Variants in PLXND1 observed in about 807,000 individuals in gnomAD.
The protein encoded by PLXND1 is plexin-D1.
PLXND1 carries 54 observed loss-of-function variants against 197.7 expected under a neutral mutation model. That is an observed-to-expected ratio of 0.27 (90% confidence interval 0.22 to 0.34). The LOEUF is 0.34. Among genes scored for constraint, PLXND1 ranks in the 10% least tolerant of loss-of-function variants. The pLI, the probability that PLXND1 is intolerant of heterozygous loss-of-function variation, is 1.00. For missense variants in PLXND1, 2,127 were observed against 2,699.2 expected (o/e 0.79, Z 4.70); for synonymous variants, 1,180 against 1,161.2 (o/e 1.02, Z -0.33).
In PLXND1 at chr3:129,559,934, C is replaced by T. The variant is rs575704348; in HGVS notation, c.5134-151G>A. Reference sequence around the variant, plus strand: ...CTGGTCACCGAGCCTCTCTGGCTCACTTGCCTCCCAGAGGCGTTGAAAGGA... The same window carrying T: ...CTGGTCACCGAGCCTCTCTGGCTCATTTGCCTCCCAGAGGCGTTGAAAGGA... On this transcript the variant is annotated intron_variant, in intron 31 of 35. Transcript: ENST00000324093. 1.0e-5 allele frequency: 7 copies of T among 686,412 alleles called. No individual in the cohort carries two copies. In the East Asian group the frequency reaches 1.9e-4, roughly 19 times the overall value. The allele number at this position is 686,412 out of a possible 1,614,324, so 42.5% of individuals were successfully genotyped here.
chr3:129,589,307 G>GCCGGGCCCCCCCCC (rs1560077979), intron 2 of PLXND1, 44 bp downstream of exon 2: 45 of 684,672 alleles, frequency 6.6e-5, no homozygotes, highest in Middle Eastern at 4.3e-4. Flanking sequence ...TCCCAGGGGA[G>GCCGGGCCCCCCCCC]CCTCCCACCC....
At chr3:129,598,717 C>T (rs531366440) in intron 1 of PLXND1, among the ~76,000 whole-genome samples, 69 of 152,246 alleles carry the variant, frequency 4.5e-4, no homozygotes, top group Non-Finnish European at 8.4e-4. Context: ...TCACCCCTTC[C>T]GACACCCTCT....
rs369957324 is a variant in PLXND1 at position 129,562,970 on chromosome 3, G to T, written c.4669-27C>A. The T allele has an allele frequency of 2.6e-5, 41 of 1,602,528 alleles. No individual in the cohort carries two copies. The African/African-American group carries it at 3.9e-4, about 15-fold the overall frequency. ...TGCAGGGGGAGAGTGGGAGAGAAAG[G>T]TCAGTGAGTTGCTGCCATCACTATG... On this transcript the variant is annotated intron_variant, in intron 26 of 35. Coordinates refer to ENST00000324093, the MANE Select transcript of PLXND1 (RefSeq NM_015103.3).
At chr3:129,589,084 A>C (rs1021835796) in intron 2 of PLXND1, among the ~76,000 whole-genome samples, 4 of 152,230 alleles carry the variant, frequency 2.6e-5, no homozygotes, top group Non-Finnish European at 5.9e-5. Context: ...ATACAGTTTC[A>C]AAGCCCCAGT....
intron 2 of PLXND1, among the ~76,000 whole-genome samples, chr3:129,587,447 GTCC>G (rs1376334385): frequency 1.3e-5 from 2 of 152,182 alleles, no homozygotes; most frequent in Admixed American, 6.5e-5. Context: ...CCCTCTGCGT[GTCC>G]TCCTGAGGAT....
At chr3:129,575,389 C>G (rs1436586730) in intron 11 of PLXND1, 80 bp downstream of exon 11, 1 of 859,242 alleles carries the variant, frequency 1.2e-6, no homozygotes, top group African/African-American at 1.7e-5. Context: ...GGGGCAACCA[C>G]TGGAATGAGT....
chr3:129,583,938 G>A (rs1056244128), intron 7 of PLXND1, among the ~76,000 whole-genome samples, 187 bp downstream of exon 7: 5 of 152,216 alleles, frequency 3.3e-5, no homozygotes, highest in African/African-American at 1.2e-4. Context: ...GTCCACAGAG[G>A]CCAGGCATCA....
chr3:129,569,616 C>T (rs138749505), intron 20 of PLXND1: 281 of 518,322 alleles, frequency 5.4e-4, no homozygotes, highest in Middle Eastern at 1.0e-3. Context: ...GGGACCTGGG[C>T]GTGGGCCTAG....
intron 9 of PLXND1, 21 bp downstream of exon 9, chr3:129,578,308 G>T: frequency 6.6e-7 from 1 of 1,506,782 alleles, no homozygotes; most frequent in Non-Finnish European, 9.1e-7. Context: ...CCCACCCGGC[G>T]CTGGCCTGGC....
chr3:129,566,507 G>T lies in PLXND1; in HGVS notation c.4191+20C>A. On this transcript the variant is annotated intron_variant, in intron 23 of 35. Coordinates refer to ENST00000324093, the MANE Select transcript of PLXND1 (RefSeq NM_015103.3). ...GTTGCCCTGAAGCAGCCCACTGTGT[G>T]TGGGTCGTGGGGTACTCACCTTCCA... 6.8e-7 allele frequency: 1 copy of T among 1,474,636 alleles called. No individual in the cohort carries two copies. The allele number at this position is 1,474,636 out of a possible 1,614,324, so 91.3% of individuals were successfully genotyped here.
chr3:129,596,025 T>G (rs2085617116), intron 1 of PLXND1, among the ~76,000 whole-genome samples: 1 of 152,042 alleles, frequency 6.6e-6, no homozygotes, highest in South Asian at 2.1e-4. Context: ...TACCTCACTA[T>G]GGGAGGCACC....
Position 129,602,997 on chromosome 3 carries a change from A to T in PLXND1, c.1311+2332T>A, listed in dbSNP as rs183999153. Among the ~76,000 whole-genome samples the T allele has an allele frequency of 1.5e-4, 23 of 152,290 alleles. No homozygotes were observed. In the East Asian group the frequency reaches 3.9e-3, roughly 26 times the overall value. ...AGCCTGATGCAAAGTCTAGGTTCTG[A>T]ATCTGTCGCTGCATAGCTGGCAACA... On this transcript the variant is annotated intron_variant, in intron 1 of 35. Transcript: ENST00000324093.
At chr3:129,589,058 A>T (rs1469492814) in intron 2 of PLXND1, among the ~76,000 whole-genome samples, 1 of 152,172 alleles carries the variant, frequency 6.6e-6, no homozygotes, top group Non-Finnish European at 1.5e-5. Flanking sequence ...GAGCCCAGAC[A>T]TTTGAACTCA....
Position 129,585,969 on chromosome 3 carries a change from C to T in PLXND1, c.1834G>A (p.Val612Met), listed in dbSNP as rs766394256. ...GGACTCACTGGGTACTCCTGGCGCA[C>T]ATCGATCTCGGAAGGCAGGACGGTC... ...AMTVLPSEIDVRQEYPGMILQ... is the reference protein window; with the variant it reads ...AMTVLPSEIDMRQEYPGMILQ... Residue 612 changes from valine (V) to methionine (M), a missense_variant, in exon 5 of 36, where the codon GTG becomes ATG. By Grantham distance (21) the Val-to-Met change is conservative. Transcript: ENST00000324093. 5 of 1,614,108 alleles carry T rather than the reference C, an allele frequency of 3.1e-6. No individual in the cohort carries two copies. Among genetic ancestry groups the T allele is most frequent in the Non-Finnish European group, 4.2e-6 (5 of 1,180,028 alleles).
Position 129,559,724 on chromosome 3 carries a change from G to T in PLXND1, c.5193C>A (p.Asp1731Glu). 6.2e-7 allele frequency: 1 copy of T among 1,613,258 alleles called. No individual in the cohort carries two copies. The highest frequency in any genetic ancestry group is 8.5e-7 in the Non-Finnish European group (1 of 1,179,732). The change falls in exon 32 of 36, where the codon GAC (aspartate) becomes GAA (glutamate). Residue 1731 changes from aspartate (D) to glutamate (E), a missense_variant. Asp to Glu is a conservative substitution (Grantham distance 45). This residue lies in a region of PLXND1 where 200 missense variants were observed against 303.3 expected (regional missense o/e 0.66). Coordinates refer to ENST00000324093, the MANE Select transcript of PLXND1 (RefSeq NM_015103.3). ...LFKAILSIREDKPPLAVKYFF... is the reference protein window; with the variant it reads ...LFKAILSIREEKPPLAVKYFF... ...AGTACTTGACAGCCAGTGGGGGCTT[G>T]TCTTCACGGATACTCAGAATGGCCT...
chr3:129,604,723 C>T (rs867942318), intron 1 of PLXND1, among the ~76,000 whole-genome samples: 2 of 152,216 alleles, frequency 1.3e-5, no homozygotes, highest in Non-Finnish European at 2.9e-5. Context: ...TCCCCTGCCA[C>T]GCACATCCCA....
In PLXND1 at chr3:129,573,517, G is replaced by C. The variant is rs972381403; in HGVS notation, c.2837+77C>G. 8 of 1,371,866 alleles carry C rather than the reference G, an allele frequency of 5.8e-6. No individual in the cohort carries two copies. The African/African-American group carries it at 9.9e-5, about 17-fold the overall frequency. 85.0% of individuals were successfully genotyped at this position (1,371,866 alleles called of 1,614,324 possible). A position where few individuals can be genotyped will look rare whatever the true frequency, so the allele number is the denominator to read the frequency against. ...AGCAGCAGAGTGAGGACAGAGGATGGGGAGGGAGGAGTGAGGAGGACAGAG... is the reference window on the plus strand; with the variant it reads ...AGCAGCAGAGTGAGGACAGAGGATGCGGAGGGAGGAGTGAGGAGGACAGAG... On this transcript the variant is annotated intron_variant, in intron 13 of 35. Transcript: ENST00000324093.
intron 1 of PLXND1, among the ~76,000 whole-genome samples, chr3:129,594,216 T>C (rs2085587469): frequency 6.6e-6 from 1 of 152,246 alleles, no homozygotes; most frequent in South Asian, 2.1e-4. Context: ...GGCACCTTCC[T>C]GCCTGAAGTG....
chr3:129,574,896 G>C (rs1417439908), intron 11 of PLXND1, among the ~76,000 whole-genome samples: 1 of 152,192 alleles, frequency 6.6e-6, no homozygotes, highest in Admixed American at 6.5e-5. Flanking sequence ...TAGGATGCTG[G>C]GGATCCCTGA....
Sources: allele counts gnomAD v4.1 joint callset (sites outside exome capture counted in the v4.1 genomes callset), GRCh38; gene constraint gnomAD v4.1.1; regional missense constraint gnomAD v4.1.1; transcripts MANE v1.5; gene names NCBI Gene and HGNC (gene_info 2026-07-23, HGNC 2026-07-21).